The following ERBIN variants were observed in gnomAD, a reference collection of about 807,000 sequenced individuals.
The protein encoded by ERBIN is erbb2 interacting protein.
Under a neutral mutation model 158.4 loss-of-function variants are expected in ERBIN, and 60 were observed. The ratio of observed to expected loss-of-function variants is 0.38; its 90% CI spans 0.31 to 0.47. The LOEUF (loss-of-function observed/expected upper bound fraction) is 0.47. ERBIN is among the 20% of genes least tolerant of loss of function. The pLI is 0.99. For synonymous variants in ERBIN, 594 were observed against 557.2 expected, an observed-to-expected ratio of 1.07 and a Z score of -0.93; for missense variants, 1,610 against 1,648.0, an observed-to-expected ratio of 0.98 and a Z score of 0.40.
intron 14 of ERBIN, among the ~76,000 whole-genome samples, chr5:66,031,318 C>T (rs1319452600): frequency 6.6e-6 from 1 of 152,140 alleles, no homozygotes; most frequent in African/African-American, 2.4e-5. Context: ...TAATTTATTC[C>T]CTCATCCATT....
At chr5:65,954,715 A>T (rs554159671) in intron 1 of ERBIN, among the ~76,000 whole-genome samples, 1 of 152,058 alleles carries the variant, frequency 6.6e-6, no homozygotes, top group East Asian at 1.9e-4. Context: ...GTGTGAAACA[A>T]TTTTAGCAGG....
rs1224900151 is a variant in ERBIN at position 66,048,448 on chromosome 5, C to T, written c.1789-219C>T. ...AAAAAAGGGAATAGAGGAGCAGTAT[C>T]CTAATGTTTGATTAGGATAATGGTG... On this transcript the variant is annotated intron_variant, in intron 18 of 25. Transcript: ENST00000284037. Among the ~76,000 whole-genome samples the T allele has an allele frequency of 2.6e-5, 4 of 151,772 alleles. No homozygotes were observed. In the South Asian group the frequency reaches 8.3e-4, roughly 32 times the overall value.
At chr5:66,007,236 G>A (rs1753700714) in intron 4 of ERBIN, among the ~76,000 whole-genome samples, 1 of 152,190 alleles carries the variant, frequency 6.6e-6, no homozygotes, top group Non-Finnish European at 1.5e-5. Context: ...CATGTCCTTT[G>A]TAGGGACATG....
chr5:65,993,515 CT>C, intron 3 of ERBIN, among the ~76,000 whole-genome samples: 1 of 151,218 alleles, frequency 6.6e-6, no homozygotes. Flanking sequence ...TGTACTTTTT[CT>C]TCTTAAATCC....
At chr5:66,067,782 C>G (rs1761144829) in intron 21 of ERBIN, among the ~76,000 whole-genome samples, 1 of 152,006 alleles carries the variant, frequency 6.6e-6, no homozygotes, top group African/African-American at 2.4e-5. Flanking sequence ...ACTCACCAAG[C>G]CTGGGCAAGG....
At chr5:65,948,285 C>T (rs1746047054) in intron 1 of ERBIN, among the ~76,000 whole-genome samples, 1 of 151,896 alleles carries the variant, frequency 6.6e-6, no homozygotes, top group South Asian at 2.1e-4. Context: ...AGCAATCTTC[C>T]CGCCTCAGCC....
intron 1 of ERBIN, among the ~76,000 whole-genome samples, chr5:65,936,509 T>G (rs964286177): frequency 1.3e-5 from 2 of 152,166 alleles, no homozygotes; most frequent in African/African-American, 4.8e-5. Context: ...CGTGGATACC[T>G]GGTATCAACA....
At chr5:65,953,793 C>T (rs564993243) in intron 1 of ERBIN, among the ~76,000 whole-genome samples, 23 of 152,214 alleles carry the variant, frequency 1.5e-4, no homozygotes, top group Admixed American at 1.1e-3. Context: ...TGATATAAAG[C>T]AGAGGTGGCA....
At position 66,013,653 on chromosome 5, in the gene ERBIN, C is replaced by A; in HGVS notation, c.476+15C>A. ...AATTTTGGCAGGTAAATTATGGTTT[C>A]TTCTAAAACGTTTTATTATTAGCTC... On this transcript the variant is annotated intron_variant, in intron 6 of 25. Transcript: ENST00000284037. 6.4e-7 allele frequency: 1 copy of A among 1,561,220 alleles called. No homozygotes were observed. Among genetic ancestry groups the A allele is most frequent in the Non-Finnish European group, 8.8e-7 (1 of 1,132,376 alleles).
In ERBIN at chr5:66,050,389, C is replaced by T. The variant is rs1339894864; in HGVS notation, c.1904-394C>T. Among the ~76,000 whole-genome samples, 2 of 33,506 alleles carry T rather than the reference C, an allele frequency of 6.0e-5. 1 individual carries two copies. The highest frequency in any genetic ancestry group is 3.1e-4 in the African/African-American group (2 of 6,540). The allele number at this position is 33,506 out of a possible 152,430, so 22.0% of individuals were successfully genotyped here. On this transcript the variant is annotated intron_variant, in intron 19 of 25. Coordinates refer to ENST00000284037, the MANE Select transcript of ERBIN (RefSeq NM_001253697.2). ...CCTCCCAAGTAGCTGGGACTACAGG[C>T]GCCCGCCACTACGCCCGGCTAATTT... is the stretch of plus-strand genomic sequence containing the variant.
At chr5:66,072,484 A>G (rs1188570606) in intron 22 of ERBIN, among the ~76,000 whole-genome samples, 193 bp downstream of exon 22, 2 of 152,216 alleles carry the variant, frequency 1.3e-5, no homozygotes, top group African/African-American at 4.8e-5. Flanking sequence ...AGTTCATTTC[A>G]TGATTTTTCT....
intron 25 of ERBIN, among the ~76,000 whole-genome samples, 189 bp from the exon 26 acceptor site, chr5:66,078,234 C>A (rs1762192935): frequency 6.6e-6 from 1 of 152,138 alleles, no homozygotes; most frequent in African/African-American, 2.4e-5. Flanking sequence ...AGAAGTTGGA[C>A]AAAATACACA....
At chr5:66,068,807 G>T (rs201946130) in intron 21 of ERBIN, 28 of 1,354,912 alleles carry the variant, frequency 2.1e-5, no homozygotes, top group Non-Finnish European at 2.6e-5. Flanking sequence ...ATAAGTCTAC[G>T]TATATAACAT....
Position 66,012,056 on chromosome 5 carries a change from G to A in ERBIN, c.315G>A (p.Gln105=), listed in dbSNP as rs367612983. 3 of 1,596,788 alleles carry A rather than the reference G, an allele frequency of 1.9e-6. No individual in the cohort carries two copies. The highest frequency in any genetic ancestry group is 4.5e-5 in the East Asian group (2 of 44,642). Reference sequence around the variant, plus strand: ...TCGTTGTTTGTTTTCTAGGAATACAGGAGTTTCCAGAAAATATAAAAAATT... The same window carrying A: ...TCGTTGTTTGTTTTCTAGGAATACAAGAGTTTCCAGAAAATATAAAAAATT... ...RELDVSKNGI[Q]EFPENIKNCK... Residue 105 remains glutamine, a synonymous_variant, in exon 5 of 26, where the codon CAG becomes CAA. Transcript: ENST00000284037.
intron 13 of ERBIN, among the ~76,000 whole-genome samples, chr5:66,027,580 C>T (rs1017212044): frequency 1.3e-5 from 2 of 151,958 alleles, no homozygotes; most frequent in African/African-American, 4.8e-5. Flanking sequence ...ATTCCCTAAA[C>T]AATACAGTAT....
chr5:65,981,793 T>A (rs1750692032), intron 1 of ERBIN, among the ~76,000 whole-genome samples: 1 of 152,192 alleles, frequency 6.6e-6, no homozygotes, highest in Non-Finnish European at 1.5e-5. Context: ...TTTGTGGCAT[T>A]GTATTCTCAG....
At chr5:65,952,439 A>G (rs1417220834) in intron 1 of ERBIN, among the ~76,000 whole-genome samples, 2 of 151,126 alleles carry the variant, frequency 1.3e-5, no homozygotes. Flanking sequence ...GGTGCATTGC[A>G]GCCTCAAACT....
chr5:66,074,045 ATTTT>A (rs397884229), intron 22 of ERBIN, among the ~76,000 whole-genome samples: 4,702 of 91,894 alleles, frequency 0.051, 362 homozygotes, highest in African/African-American at 0.19. Flanking sequence ...TGCCCAGCTA[ATTTT>A]TTTTTTTTTT....
chr5:66,021,060 GTGGGTTTAAATTTA>G (rs1580375020), intron 7 of ERBIN, among the ~76,000 whole-genome samples: 2 of 151,938 alleles, frequency 1.3e-5, no homozygotes, highest in East Asian at 3.8e-4. Context: ...ATTCTGGCTT[GTGGGTTTAAATTTA>G]TTGCAATTGC....
Sources: allele counts gnomAD v4.1 joint callset (sites outside exome capture counted in the v4.1 genomes callset), GRCh38; gene constraint gnomAD v4.1.1; transcripts MANE v1.5; gene names NCBI Gene and HGNC (gene_info 2026-07-23, HGNC 2026-07-21).